PARP10: variants seen among roughly 807,000 people sequenced by gnomAD.
PARP10 encodes the protein poly(ADP-ribose) polymerase family member 10.
A neutral mutation model predicts 82.4 loss-of-function variants in PARP10; 56 were observed. The ratio of observed to expected loss-of-function variants is 0.68; its 90% CI spans 0.55 to 0.85. The LOEUF (loss-of-function observed/expected upper bound fraction) is 0.85. Among genes scored for constraint, PARP10 ranks in the 40% least tolerant of loss-of-function variants. PARP10 has a pLI of 0.00. For synonymous variants in PARP10, 576 were observed against 601.1 expected (o/e 0.96, Z 0.61); for missense variants, 1,227 against 1,379.4 (o/e 0.89, Z 1.75).
intron 1 of PARP10, among the ~76,000 whole-genome samples, chr8:143,996,398 G>A (rs1250650553): frequency 6.6e-6 from 1 of 152,146 alleles, no homozygotes; most frequent in African/African-American, 2.4e-5. Context: ...GTCAATCAAC[G>A]GTGCCTGCTG....
chr8:143,992,366 C>T (rs781846900), upstream of PARP10: 1 of 1,602,094 alleles, frequency 6.2e-7, no homozygotes, highest in Admixed American at 1.7e-5. Flanking sequence ...GTCATCTTCT[C>T]CATGCAGGTG....
rs782305843 is a variant in PARP10 at position 143,985,708 on chromosome 8, CCCTGCCTCTCA to C, written c.436+2_436+12del. 6 of 1,602,910 alleles carry C rather than the reference CCCTGCCTCTCA, an allele frequency of 3.7e-6. No homozygotes were observed. In the East Asian group the frequency reaches 1.3e-4, roughly 36 times the overall value. On this transcript the variant is annotated splice_donor_variant and splice_donor_5th_base_variant and intron_variant, in intron 3 of 10. Coordinates refer to ENST00000313028, the MANE Select transcript of PARP10 (RefSeq NM_032789.5). LOFTEE classifies it high-confidence loss of function. ...CCCCTAGCCAGCACCTCAACCCCAA[CCCTGCCTCTCA>C]CCTGCCTCAGAAAGGGGCTTGGGCA...
At position 143,985,163 on chromosome 8, in the gene PARP10, G is replaced by A. The variant is rs374158798; in HGVS notation, c.839C>T (p.Thr280Ile). 1.1e-5 allele frequency: 17 copies of A among 1,614,150 alleles called. No homozygotes were observed. The Middle Eastern group carries it at 4.9e-4, about 47-fold the overall frequency. Residue 280 changes from threonine to isoleucine, a missense_variant, in exon 5 of 11, where the codon ACC becomes ATC. Transcript: ENST00000313028. ...PRATKHALLRTGGLVTALQGA... is the reference protein window; with the variant it reads ...PRATKHALLRIGGLVTALQGA... ...CTGCAGAGCCGTCACCAACCCTCCG[G>A]TCCTCAGGAGAGCATGCTTGGTAGC...
rs782269175 is a variant in PARP10 at position 143,983,174 on chromosome 8, G to T, written c.2415C>A (p.Gly805=). The change falls in exon 8 of 11, where the codon GGC becomes GGA. Residue 805 remains glycine, a synonymous_variant. Coordinates refer to ENST00000313028, the MANE Select transcript of PARP10 (RefSeq NM_032789.5). Reference sequence around the variant, plus strand: ...TCCAGGAGGTAGACTCACAGGTAGGGCCTGAAGCTGCCAAGGGAAAGGCCA... The same window carrying T: ...TCCAGGAGGTAGACTCACAGGTAGGTCCTGAAGCTGCCAAGGGAAAGGCCA... ...QSLAFPLAAS[G]PTLAGQTLKG... is the part of the protein sequence containing the mutation. 3.1e-6 allele frequency: 5 copies of T among 1,613,438 alleles called. No individual in the cohort carries two copies. In the South Asian group the frequency reaches 5.5e-5, roughly 18 times the overall value.
At chr8:143,986,580 T>C (rs1439349180), upstream of PARP10, 23 of 706,382 alleles carry the variant, frequency 3.3e-5, no homozygotes, top group Admixed American at 5.0e-4. Flanking sequence ...CCAGGAGGTA[T>C]TGGCCAGGCT....
chr8:144,005,900 GACC>G (rs1171033947), intron 1 of PARP10, among the ~76,000 whole-genome samples: 1 of 152,040 alleles, frequency 6.6e-6, no homozygotes, highest in African/African-American at 2.4e-5. Context: ...ACGGAGCACA[GACC>G]ACCACCACAT....
chr8:143,986,231 A>G lies in PARP10; in HGVS notation c.5T>C (p.Val2Ala), dbSNP rs782491229. Residue 2 changes from valine to alanine, a missense_variant and splice_region_variant, in exon 2 of 11, where the codon GTT (valine) becomes GCT (alanine). By Grantham distance (64) the Val-to-Ala change is moderately conservative. Transcript: ENST00000313028. M[V>A]AMAEAEAGVA... Reference sequence around the variant, plus strand: ...CCCTGCCTCTGCCTCCGCCATTGCAACCCTGGGACGGGGCATCAGGTGGGT... The same window carrying G: ...CCCTGCCTCTGCCTCCGCCATTGCAGCCCTGGGACGGGGCATCAGGTGGGT... 1.2e-6 allele frequency: 2 copies of G among 1,613,764 alleles called. No homozygotes were observed. The highest frequency in any genetic ancestry group is 2.2e-5 in the South Asian group (2 of 91,072).
upstream of PARP10, chr8:143,992,355 C>G (rs149702314): frequency 6.3e-7 from 1 of 1,597,710 alleles, no homozygotes; most frequent in African/African-American, 1.3e-5. Flanking sequence ...GCTTCACCGT[C>G]GTCATCTTCT....
chr8:143,987,928 GC>G (rs533243902), upstream of PARP10, among the ~76,000 whole-genome samples: 522 of 150,954 alleles, frequency 3.5e-3, 2 homozygotes, highest in African/African-American at 0.012. Flanking sequence ...TTGAGGACCT[GC>G]CCCCTGCCCA....
chr8:143,991,762 C>T, upstream of PARP10: 1 of 1,613,676 alleles, frequency 6.2e-7, no homozygotes, highest in Non-Finnish European at 8.5e-7. Flanking sequence ...TCCCTGCCAC[C>T]AACTGGGATG....
rs1834250394 is a variant in PARP10 at position 144,008,580 on chromosome 8, C to T, written c.-80+3950G>A. Among the ~76,000 whole-genome samples the T allele has an allele frequency of 6.6e-6, 1 of 152,192 alleles. No individual in the cohort carries two copies. Among genetic ancestry groups the T allele is most frequent in the Admixed American group, 6.5e-5 (1 of 15,284 alleles). On this transcript the variant is annotated intron_variant, in intron 1 of 3. Transcript: ENST00000530478. This position sits in a 1 kb window ranked among gnomAD's most constrained non-coding sequence, Gnocchi z 4.0. ...AGGAGCGCAAACCCCGAGTGCACCC[C>T]AGGAGGTTCCTGTCACTCCTGCGGG...
At chr8:143,986,559 C>A (rs1298404853), upstream of PARP10, 1 of 776,188 alleles carries the variant, frequency 1.3e-6, no homozygotes, top group South Asian at 1.7e-5. Flanking sequence ...GCAGCCTCAA[C>A]CCCCAGCTGA....
At chr8:143,984,189 G>A in intron 6 of PARP10, 21 bp downstream of exon 6, 1 of 1,603,914 alleles carries the variant, frequency 6.2e-7, no homozygotes, top group Non-Finnish European at 8.5e-7. Flanking sequence ...GGGGAGGGCA[G>A]GGGTGGGACT....
At chr8:143,995,665 C>G (rs1834159539), upstream of PARP10, among the ~76,000 whole-genome samples, 1 of 152,032 alleles carries the variant, frequency 6.6e-6, no homozygotes, top group Non-Finnish European at 1.5e-5. Flanking sequence ...TAGGAGCTGT[C>G]CTGGCACTCA....
In PARP10 at chr8:143,985,086, C is replaced by A; in HGVS notation, c.916G>T (p.Ala306Ser). 3 of 1,613,826 alleles carry A rather than the reference C, an allele frequency of 1.9e-6. No individual in the cohort carries two copies. The highest frequency in any genetic ancestry group is 1.7e-6 in the Non-Finnish European group (2 of 1,179,944). Residue 306 changes from alanine (A) to serine (S), a missense_variant, in exon 5 of 11, where the codon GCC (alanine) becomes TCC (serine). Physicochemically the swap from Ala to Ser is moderately conservative, Grantham distance 99 (BLOSUM62 1). Coordinates refer to ENST00000313028, the MANE Select transcript of PARP10 (RefSeq NM_032789.5). ...GSGEEPGQSG[A>S]SLRTGPMVQG... ...ACCATGGGACCTGTCCTCAGAGAGG[C>A]CCCTGACTGCCCTGGTTCCTCGCCA...
Position 144,008,450 on chromosome 8 carries a change from G to A in PARP10, c.-80+4080C>T, listed in dbSNP as rs2133083469. ...AGGCAAATTTGAATGGGGACAAACT[G>A]TGCAAAAGCCAGTGACCCAAGACGG... On this transcript the variant is annotated intron_variant, in intron 1 of 3. Coordinates refer to the PARP10 transcript ENST00000530478. This position sits in a 1 kb window ranked among gnomAD's most constrained non-coding sequence, Gnocchi z 4.0. 6.6e-6 allele frequency among the ~76,000 whole-genome samples: 1 copy of A among 152,352 alleles called. No homozygotes were observed. The highest frequency in any genetic ancestry group is 2.1e-4 in the South Asian group (1 of 4,832).
At chr8:143,994,952 CG>C (rs1354092584), upstream of PARP10, among the ~76,000 whole-genome samples, 2 of 118,946 alleles carry the variant, frequency 1.7e-5, no homozygotes, top group Non-Finnish European at 3.5e-5. Flanking sequence ...AACGTCAGGG[CG>C]GGGGCAGGGG....
Position 143,985,422 on chromosome 8 carries a change from C to G in PARP10, c.663G>C (p.Gln221His), listed in dbSNP as rs1263540483. 2.5e-6 allele frequency: 4 copies of G among 1,609,522 alleles called. No homozygotes were observed. The highest frequency in any genetic ancestry group is 3.4e-6 in the Non-Finnish European group (4 of 1,178,042). Residue 221 changes from glutamine to histidine, a missense_variant, in exon 4 of 11, where the codon CAG becomes CAC. Gln to His is a conservative substitution (Grantham distance 24). Transcript: ENST00000313028. ...CCCAGCCCCACTCACCTTGCCACTG[C>G]TGGAAGGAGGCAACAGTGCCCAGGG... ...PGPLGTVASF[Q>H]QWQVAERVLQ...
chr8:143,982,235 C>T (rs1295311476), intron 9 of PARP10, among the ~76,000 whole-genome samples: 1 of 151,974 alleles, frequency 6.6e-6, no homozygotes, highest in Non-Finnish European at 1.5e-5. Flanking sequence ...TTTGGGAGGC[C>T]GAGGCGGGCG....
Sources: gnomAD v4.1 joint callset for allele counts (sites outside exome capture counted in the v4.1 genomes callset) on GRCh38, gnomAD v4.1.1 for gene constraint, Gnocchi (gnomAD v3.1) non-coding constraint, MANE v1.5 for transcripts, NCBI Gene and HGNC (gene_info 2026-07-23, HGNC 2026-07-21) for gene names.